The following IFT80 variants were observed in gnomAD, a reference collection of about 807,000 sequenced individuals.
The protein encoded by IFT80 is intraflagellar transport protein 80 homolog.
In IFT80, 79 loss-of-function variants were observed where a neutral mutation model predicts 107.9. The observed-to-expected ratio is 0.73, with a 90% CI of 0.61 to 0.88. The LOEUF is 0.88. IFT80 is among the 40% of genes least tolerant of loss of function. IFT80 has a pLI of 0.00. For synonymous variants in IFT80, 299 were observed against 300.9 expected, an observed-to-expected ratio of 0.99 and a Z score of 0.07; for missense variants, 797 against 914.2, an observed-to-expected ratio of 0.87 and a Z score of 1.65.
chr3:160,299,837 C>G (rs911993204), intron 12 of IFT80, among the ~76,000 whole-genome samples: 4 of 152,092 alleles, frequency 2.6e-5, no homozygotes, highest in African/African-American at 9.7e-5. Context: ...CAGACCGACC[C>G]CCTCCAAATG....
intron 8 of IFT80, among the ~76,000 whole-genome samples, chr3:160,338,663 A>C (rs1719666017): frequency 6.6e-6 from 1 of 150,688 alleles, no homozygotes; most frequent in Non-Finnish European, 1.5e-5. Flanking sequence ...GAAGGAGATG[A>C]GTGAGAACCC....
chr3:160,343,627 T>C (rs937681288), intron 8 of IFT80: 1 of 161,338 alleles, frequency 6.2e-6, no homozygotes, highest in Admixed American at 6.5e-5. Flanking sequence ...GGTAATTCAT[T>C]TGTACCTTAT....
intron 8 of IFT80, among the ~76,000 whole-genome samples, chr3:160,334,024 C>T (rs1054649313): frequency 6.6e-6 from 1 of 152,124 alleles, no homozygotes; most frequent in African/African-American, 2.4e-5. Flanking sequence ...AGGAATTTTT[C>T]AACTCCATTA....
chr3:160,363,025 A>G (rs1057460255), intron 6 of IFT80, among the ~76,000 whole-genome samples: 1 of 152,208 alleles, frequency 6.6e-6, no homozygotes, highest in Non-Finnish European at 1.5e-5. Context: ...CCGGGCAATC[A>G]GGCAAGAGAA....
In IFT80 at chr3:160,317,851, C is replaced by T. The variant is rs555754041; in HGVS notation, c.957+1909G>A. Among the ~76,000 whole-genome samples the T allele has an allele frequency of 1.2e-4, 18 of 152,092 alleles. No homozygotes were observed. In the South Asian group the frequency reaches 3.5e-3, roughly 30 times the overall value. On this transcript the variant is annotated intron_variant, in intron 9 of 19. Transcript: ENST00000326448. ...AGGGGACTCTTCAGACCAAAAGAGA[C>T]TTAAAAGATACATCAGCCATTGCAA... is the stretch of plus-strand genomic sequence containing the variant.
At chr3:160,285,954 G>T in intron 12 of IFT80, 86 bp from the exon 13 acceptor site, 4 of 940,012 alleles carry the variant, frequency 4.3e-6, no homozygotes, top group Non-Finnish European at 5.0e-6. Context: ...ATCCTTATAA[G>T]AAATTATTTA....
intron 18 of IFT80, chr3:160,268,758 T>A: frequency 2.0e-6 from 1 of 511,654 alleles, no homozygotes; most frequent in South Asian, 2.1e-5. Context: ...CTTGTAGAAA[T>A]AAATGACTAT....
At chr3:160,314,447 T>C (rs1307908168) in intron 9 of IFT80, among the ~76,000 whole-genome samples, 1 of 152,132 alleles carries the variant, frequency 6.6e-6, no homozygotes, top group Admixed American at 6.5e-5. Context: ...AGAAACTTTT[T>C]CACTACAGGC....
At chr3:160,370,599 T>TG (rs568718366) in intron 5 of IFT80, among the ~76,000 whole-genome samples, 69 of 152,128 alleles carry the variant, frequency 4.5e-4, no homozygotes, top group Non-Finnish European at 7.1e-4. Flanking sequence ...ACTTCTCCCT[T>TG]GGGGGGTCTC....
At chr3:160,365,013 GA>G (rs61095178) in intron 6 of IFT80, among the ~76,000 whole-genome samples, 18,682 of 143,282 alleles carry the variant, frequency 0.13, 1,909 homozygotes, top group African/African-American at 0.29. Flanking sequence ...AAAAAAAAAA[GA>G]AAAAAAAACA....
chr3:160,264,630 G>A (rs1713144516), intron 19 of IFT80, among the ~76,000 whole-genome samples: 1 of 148,134 alleles, frequency 6.8e-6, no homozygotes, highest in Middle Eastern at 3.5e-3. Context: ...GTAGAGACAG[G>A]GTTTAACCAT....
rs867621859 is a variant in IFT80 at position 160,389,598 on chromosome 3, C to G, written c.-46-4952G>C. ...ATGCGGTGTTTGGTTTTTTGTTCTT[C>G]CGATAGTTTACTGAGAATGATGATT... On this transcript the variant is annotated intron_variant, in intron 1 of 19. Transcript: ENST00000326448. Among the ~76,000 whole-genome samples, 35 of 148,826 alleles carry G rather than the reference C, an allele frequency of 2.4e-4. No individual in the cohort carries two copies. The South Asian group carries it at 3.7e-3, about 16-fold the overall frequency.
intron 2 of IFT80, among the ~76,000 whole-genome samples, chr3:160,383,137 A>G (rs1712657407): frequency 6.6e-6 from 1 of 152,236 alleles, no homozygotes; most frequent in Admixed American, 6.5e-5. Flanking sequence ...ATAAATTGCT[A>G]TAAGTACATG....
chr3:160,330,394 A>C, intron 8 of IFT80, among the ~76,000 whole-genome samples: 1 of 152,224 alleles, frequency 6.6e-6, no homozygotes, highest in East Asian at 1.9e-4. Flanking sequence ...CTATTAACAC[A>C]ATTATACAAC....
At chr3:160,307,614 A>G in intron 10 of IFT80, 49 bp downstream of exon 10, 2 of 1,001,620 alleles carry the variant, frequency 2.0e-6, no homozygotes, top group Non-Finnish European at 3.2e-6. Context: ...TAAACTCCTC[A>G]GCACAGACAG....
chr3:160,268,412 C>T lies in IFT80; in HGVS notation c.2223+1G>A. Reference sequence around the variant, plus strand: ...ATTATACAAAATTGTGAAATACTTACACCTTCTGCATAATGCAAGTATCGT... The same window carrying T: ...ATTATACAAAATTGTGAAATACTTATACCTTCTGCATAATGCAAGTATCGT... On this transcript the variant is annotated splice_donor_variant, in intron 19 of 19. Transcript: ENST00000326448. LOFTEE classifies it high-confidence loss of function. The T allele has an allele frequency of 6.2e-7, 1 of 1,611,426 alleles. No individual in the cohort carries two copies. Among genetic ancestry groups the T allele is most frequent in the Non-Finnish European group, 8.5e-7 (1 of 1,177,786 alleles).
intron 8 of IFT80, 70 bp from the exon 9 acceptor site, chr3:160,320,009 A>G (rs2108298273): frequency 9.6e-7 from 1 of 1,045,484 alleles, no homozygotes; most frequent in Non-Finnish European, 1.4e-6. Flanking sequence ...TAAATCAGGC[A>G]CATGACAACG....
At chr3:160,352,709 G>A (rs923826077) in intron 8 of IFT80, among the ~76,000 whole-genome samples, 4 of 152,148 alleles carry the variant, frequency 2.6e-5, no homozygotes, top group Admixed American at 1.3e-4. Flanking sequence ...GTTTACTATC[G>A]TAATGATTGA....
intron 14 of IFT80, 150 bp from the exon 15 acceptor site, chr3:160,280,964 C>G: frequency 1.5e-6 from 1 of 669,758 alleles, no homozygotes; most frequent in South Asian, 1.8e-5. Flanking sequence ...AAACACATAC[C>G]AAACAATCAC....
Sources: gnomAD v4.1 joint callset for allele counts (sites outside exome capture counted in the v4.1 genomes callset) on GRCh38, gnomAD v4.1.1 for gene constraint, MANE v1.5 for transcripts, NCBI Gene and HGNC (gene_info 2026-07-23, HGNC 2026-07-21) for gene names.